The following KIFAP3 variants were observed in gnomAD, a reference collection of about 807,000 sequenced individuals.
KIFAP3 encodes the protein kinesin associated protein 3.
A neutral mutation model predicts 106.5 loss-of-function variants in KIFAP3; 68 were observed. The ratio of observed to expected loss-of-function variants is 0.64; its 90% CI spans 0.53 to 0.78. KIFAP3 has a LOEUF of 0.78. KIFAP3 is among the 30% of genes least tolerant of loss of function. The probability of loss-of-function intolerance (pLI) is 0.00; values close to 1 mark genes in which losing one functional copy is unlikely to be tolerated. For synonymous variants in KIFAP3, 320 were observed against 311.5 expected (o/e 1.03, Z -0.29); for missense variants, 780 against 941.8 (o/e 0.83, Z 2.25).
chr1:170,009,309 T>C (rs2050628), intron 10 of KIFAP3, among the ~76,000 whole-genome samples: 146,570 of 152,202 alleles, frequency 0.96, 70,823 homozygotes, highest in East Asian at 1. Flanking sequence ...GAACATTACT[T>C]AATTTAAAAT....
chr1:170,047,479 G>C (rs1242734801), intron 2 of KIFAP3, among the ~76,000 whole-genome samples: 1 of 151,932 alleles, frequency 6.6e-6, no homozygotes. Context: ...AAATTTGCCA[G>C]GTGTGGTGGT....
rs1444769095 is a variant in KIFAP3, at chr1:170,038,401, C to T, written c.406G>A (p.Asp136Asn). The T allele has an allele frequency of 6.8e-6, 11 of 1,608,226 alleles. No homozygotes were observed. The highest frequency in any genetic ancestry group is 8.5e-6 in the Non-Finnish European group (10 of 1,178,464). Residue 136 changes from aspartate (D) to asparagine (N), a missense_variant, in exon 5 of 20, where the codon GAT (aspartate) becomes AAT (asparagine). Asp to Asn is a conservative substitution (Grantham distance 23, BLOSUM62 1). Coordinates refer to ENST00000361580, the MANE Select transcript of KIFAP3 (RefSeq NM_014970.4). The part of the protein sequence containing the change: ...IDEVANINDM[D>N]EYIELLYEDI... ...TCATATAATAACTCAATATATTCAT[C>T]CATGTCATTAATGTTAGCAACTTCA...
At chr1:169,923,095 T>C in intron 19 of KIFAP3, 1 of 985,270 alleles carries the variant, frequency 1.0e-6, no homozygotes, top group East Asian at 1.1e-4. Context: ...TTTAGGAGAA[T>C]GGAAGTTCTG....
At chr1:170,054,754 A>G (rs1437105511) in intron 2 of KIFAP3, among the ~76,000 whole-genome samples, 1 of 152,206 alleles carries the variant, frequency 6.6e-6, no homozygotes, top group African/African-American at 2.4e-5. Flanking sequence ...ATGGGGACTG[A>G]ACAATGAGAA....
chr1:169,960,864 GA>G (rs3215641), intron 18 of KIFAP3, among the ~76,000 whole-genome samples, 181 bp downstream of exon 18: 1 of 150,730 alleles, frequency 6.6e-6, no homozygotes, highest in African/African-American at 2.4e-5. Flanking sequence ...GACTAACTTG[GA>G]AAAAAAAATG....
chr1:169,941,555 CTG>C (rs753720714), intron 19 of KIFAP3, among the ~76,000 whole-genome samples: 27 of 151,852 alleles, frequency 1.8e-4, no homozygotes, highest in Non-Finnish European at 4.0e-4. Flanking sequence ...TAAACAGTAA[CTG>C]TGACTTCAAT....
intron 11 of KIFAP3, among the ~76,000 whole-genome samples, chr1:169,985,783 AAAAG>A (rs140799695): frequency 0.022 from 3,279 of 152,038 alleles, 99 homozygotes; most frequent in African/African-American, 0.063. Flanking sequence ...TGATAAGAGA[AAAAG>A]AAAGAGGGTC....
chr1:170,044,521 A>G (rs1240140347), intron 3 of KIFAP3, among the ~76,000 whole-genome samples: 1 of 152,200 alleles, frequency 6.6e-6, no homozygotes, highest in African/African-American at 2.4e-5. Flanking sequence ...ACATTAACTG[A>G]AGACATTCTA....
At chr1:170,073,490 AAAT>A (rs1671791987) in intron 1 of KIFAP3, among the ~76,000 whole-genome samples, 2 of 152,248 alleles carry the variant, frequency 1.3e-5, no homozygotes, top group South Asian at 4.1e-4. Context: ...TTATGACTTG[AAAT>A]AATACCACCA....
At chr1:170,051,598 A>T (rs977002770) in intron 2 of KIFAP3, among the ~76,000 whole-genome samples, 2 of 152,216 alleles carry the variant, frequency 1.3e-5, no homozygotes, top group African/African-American at 4.8e-5. Context: ...TTGGGAGTAA[A>T]ACAATCCTCA....
At chr1:169,984,524 TC>T in intron 12 of KIFAP3, 57 bp downstream of exon 12, 1 of 706,646 alleles carries the variant, frequency 1.4e-6, no homozygotes, top group South Asian at 1.9e-5. Context: ...ATATCTATTT[TC>T]CATCATATAC....
chr1:169,989,462 G>A (rs1666994524), intron 11 of KIFAP3, among the ~76,000 whole-genome samples: 1 of 151,952 alleles, frequency 6.6e-6, no homozygotes, highest in Non-Finnish European at 1.5e-5. Flanking sequence ...ACTCTAAATG[G>A]AATCGGAAAA....
chr1:169,929,636 T>G lies in KIFAP3; in HGVS notation c.2274-7855A>C, dbSNP rs1663353046. Among the ~76,000 whole-genome samples, 3 of 152,176 alleles carry G rather than the reference T, an allele frequency of 2.0e-5. No individual in the cohort carries two copies. In the South Asian group the frequency reaches 6.2e-4, roughly 31 times the overall value. On this transcript the variant is annotated intron_variant, in intron 19 of 19. Transcript: ENST00000361580. Reference sequence around the variant, plus strand: ...GCATATATCAAGTTTAGTTGTCATTTCCCATTTAGTTTTATTCTTAATCTT... The same window carrying G: ...GCATATATCAAGTTTAGTTGTCATTGCCCATTTAGTTTTATTCTTAATCTT...
At chr1:169,954,898 T>C (rs1039769139) in intron 18 of KIFAP3, among the ~76,000 whole-genome samples, 1 of 152,224 alleles carries the variant, frequency 6.6e-6, no homozygotes, top group Admixed American at 6.5e-5. Context: ...GATATTTTCC[T>C]GATTATAGAG....
At chr1:170,028,150 T>A (rs1669213074) in intron 8 of KIFAP3, among the ~76,000 whole-genome samples, 1 of 151,940 alleles carries the variant, frequency 6.6e-6, no homozygotes, top group African/African-American at 2.4e-5. Flanking sequence ...CAAGAAACGT[T>A]AAAGTAAATT....
At chr1:170,072,903 C>T (rs1226295506) in intron 1 of KIFAP3, among the ~76,000 whole-genome samples, 11 of 152,100 alleles carry the variant, frequency 7.2e-5, no homozygotes, top group Non-Finnish European at 1.5e-4. Context: ...TTTTCAGACT[C>T]TAATCTCATT....
intron 1 of KIFAP3, among the ~76,000 whole-genome samples, chr1:170,073,298 G>T (rs1302004874): frequency 6.6e-6 from 1 of 152,088 alleles, no homozygotes; most frequent in African/African-American, 2.4e-5. Flanking sequence ...GCCAGTTTCA[G>T]ATATATTTAC....
intron 19 of KIFAP3, among the ~76,000 whole-genome samples, chr1:169,926,680 TGTACACAC>T (rs201550590): frequency 0.15 from 23,214 of 151,096 alleles, 1,864 homozygotes; most frequent in Middle Eastern, 0.21. Context: ...CAGTTGTGTG[TGTACACAC>T]ACACACACAC....
chr1:169,990,878 C>A (rs1667060278), intron 11 of KIFAP3, among the ~76,000 whole-genome samples: 1 of 152,142 alleles, frequency 6.6e-6, no homozygotes, highest in East Asian at 1.9e-4. Flanking sequence ...TTTGATGAAA[C>A]ATTTTCCCAT....
Sources: gnomAD v4.1 joint callset for allele counts (sites outside exome capture counted in the v4.1 genomes callset) on GRCh38, gnomAD v4.1.1 for gene constraint, MANE v1.5 for transcripts, NCBI Gene and HGNC (gene_info 2026-07-23, HGNC 2026-07-21) for gene names.